The following CLIC5 variants were observed in gnomAD, a reference collection of about 807,000 sequenced individuals.
CLIC5 encodes the protein CLIC family member 5, also known as chloride intracellular channel protein 5.
Under a neutral mutation model 24.7 loss-of-function variants are expected in CLIC5, and 20 were observed. The observed-to-expected ratio is 0.81, with a 90% CI of 0.57 to 1.18. The LOEUF (loss-of-function observed/expected upper bound fraction) is 1.18. CLIC5 is among the 50% of genes most tolerant of loss of function. The pLI, the probability that CLIC5 is intolerant of heterozygous loss-of-function variation, is 0.00. For missense variants in CLIC5, 341 were observed against 326.1 expected (o/e 1.05, Z -0.35); for synonymous variants, 159 against 135.6 (o/e 1.17, Z -1.20).
chr6:46,082,965 A>G (rs1392501593), upstream of CLIC5, among the ~76,000 whole-genome samples: 2 of 152,238 alleles, frequency 1.3e-5, no homozygotes, highest in African/African-American at 4.8e-5. Flanking sequence ...AGTACCTAGA[A>G]CAGTGTCTGG....
chr6:46,086,258 G>T, the CLIC5 span, among the ~76,000 whole-genome samples: 2 of 152,222 alleles, frequency 1.3e-5, no homozygotes, highest in African/African-American at 2.4e-5. Context: ...CCAGTGTCCT[G>T]TGCCCACTGT....
At chr6:46,031,981 A>C (rs1388594971) in intron 1 of CLIC5, among the ~76,000 whole-genome samples, 2 of 151,462 alleles carry the variant, frequency 1.3e-5, no homozygotes, top group East Asian at 1.9e-4. Flanking sequence ...ATATGTGTAC[A>C]TATATATTTC....
intron 1 of CLIC5, among the ~76,000 whole-genome samples, chr6:45,977,585 G>T (rs970079306): frequency 1.3e-5 from 2 of 152,004 alleles, no homozygotes; most frequent in Admixed American, 6.6e-5. Flanking sequence ...GCCTCTCAGG[G>T]ACCCTTTCTT....
intron 1 of CLIC5, among the ~76,000 whole-genome samples, chr6:46,079,294 C>T (rs1043603322): frequency 3.3e-4 from 51 of 152,270 alleles, no homozygotes; most frequent in African/African-American, 1.1e-3. Flanking sequence ...AAATCTGTGA[C>T]CTTAGAAGCA....
chr6:45,998,092 G>A (rs954233368), intron 1 of CLIC5, among the ~76,000 whole-genome samples: 1 of 152,186 alleles, frequency 6.6e-6, no homozygotes, highest in Non-Finnish European at 1.5e-5. Flanking sequence ...CCTTGGGAGC[G>A]GTTGTCTGGG....
chr6:45,995,195 C>A (rs758078365), intron 1 of CLIC5, among the ~76,000 whole-genome samples: 2 of 152,160 alleles, frequency 1.3e-5, no homozygotes, highest in Non-Finnish European at 2.9e-5. Flanking sequence ...GCCACTTAAC[C>A]ATTAGTGCCT....
chr6:46,099,410 A>G, the CLIC5 span, among the ~76,000 whole-genome samples: 6 of 152,232 alleles, frequency 3.9e-5, no homozygotes, highest in Non-Finnish European at 5.9e-5. Context: ...ATTTTTGTCT[A>G]TTATTACTAT....
intron 1 of CLIC5, among the ~76,000 whole-genome samples, chr6:46,032,777 C>T (rs933881458): frequency 1.3e-5 from 2 of 152,112 alleles, no homozygotes; most frequent in African/African-American, 4.8e-5. Context: ...GTGAGCTACT[C>T]GGGCTGGTCA....
At chr6:45,980,496 A>G (rs919793076) in intron 1 of CLIC5, among the ~76,000 whole-genome samples, 3 of 152,138 alleles carry the variant, frequency 2.0e-5, no homozygotes, top group African/African-American at 7.2e-5. Context: ...GATCATTTAT[A>G]TACCAAACCT....
the CLIC5 span, among the ~76,000 whole-genome samples, chr6:46,124,611 A>G: frequency 6.6e-6 from 1 of 152,250 alleles, no homozygotes; most frequent in South Asian, 2.1e-4. Flanking sequence ...CTGCACAGCA[A>G]AAGAAACTAC....
chr6:46,078,297 T>C (rs1049278687), intron 1 of CLIC5, among the ~76,000 whole-genome samples: 3 of 152,050 alleles, frequency 2.0e-5, no homozygotes, highest in Non-Finnish European at 4.4e-5. Context: ...GAGGTGAAAG[T>C]TGCAGTGAGC....
chr6:46,018,231 TTTG>T (rs1767077003), upstream of CLIC5, among the ~76,000 whole-genome samples: 1 of 152,220 alleles, frequency 6.6e-6, no homozygotes, highest in Admixed American at 6.5e-5. Flanking sequence ...GTTTTGGTTT[TTTG>T]TTTTTTGTTT....
upstream of CLIC5, among the ~76,000 whole-genome samples, chr6:46,018,362 C>T (rs559426540): frequency 5.6e-4 from 85 of 152,264 alleles, 1 homozygote; most frequent in South Asian, 0.017. Context: ...TTCATTTTAT[C>T]TTCTCCAAAT....
chr6:45,924,220 T>G (rs1287943271), intron 4 of CLIC5, among the ~76,000 whole-genome samples: 3 of 152,210 alleles, frequency 2.0e-5, no homozygotes, highest in Non-Finnish European at 1.5e-5. Context: ...ACAGGGATAT[T>G]CAGCTGTTCC....
the CLIC5 span, chr6:46,129,523 T>C: frequency 6.6e-6 from 1 of 152,234 alleles, no homozygotes; most frequent in Non-Finnish European, 1.5e-5. Flanking sequence ...CCGGTAAAGG[T>C]GCTCGCTTAT....
At chr6:45,974,493 G>GTATATATATA (rs1294058722) in intron 1 of CLIC5, among the ~76,000 whole-genome samples, 5 of 85,420 alleles carry the variant, frequency 5.9e-5, no homozygotes, top group African/African-American at 2.2e-4. Flanking sequence ...CTGTGTGTGT[G>GTATATATATA]TGTGTATATA....
chr6:45,913,833 C>T lies in CLIC5; in HGVS notation c.588+395G>A, dbSNP rs1762909731. 3 of 1,230,584 alleles carry T rather than the reference C, an allele frequency of 2.4e-6. No homozygotes were observed. In the East Asian group the frequency reaches 9.5e-5, roughly 39 times the overall value. The allele number at this position is 1,230,584 out of a possible 1,614,324, so 76.2% of individuals were successfully genotyped here. On this transcript the variant is annotated intron_variant, in intron 5 of 5. Coordinates refer to ENST00000339561, the MANE Select transcript of CLIC5 (RefSeq NM_016929.5). Reference sequence around the variant, plus strand: ...TGGGTCTGTGCACAAAGAAAAAATGCATATGAGGGCACATTTAATAGAGCT... The same window carrying T: ...TGGGTCTGTGCACAAAGAAAAAATGTATATGAGGGCACATTTAATAGAGCT...
chr6:46,075,975 C>A (rs1562039411), intron 1 of CLIC5, among the ~76,000 whole-genome samples: 2 of 152,196 alleles, frequency 1.3e-5, no homozygotes, highest in Non-Finnish European at 2.9e-5. Flanking sequence ...CCCAATGCTC[C>A]ACTGCTGTCA....
chr6:45,901,767 CT>C lies in CLIC5; in HGVS notation c.*1320del, dbSNP rs201705755. 335 of 149,046 alleles carry C rather than the reference CT, an allele frequency of 2.2e-3. 1 individual carries two copies. The highest frequency in any genetic ancestry group is 3.9e-3 in the Non-Finnish European group (263 of 66,732). 9.2% of individuals were successfully genotyped at this position (149,046 alleles called of 1,614,324 possible). ...TGAAATATTAGCTTAAAAATTTTTC[CT>C]TTTTTTTTTCACCTGGCAGTTGAGT... On this transcript the variant is annotated 3_prime_UTR_variant, in exon 6 of 6. Coordinates refer to ENST00000339561, the MANE Select transcript of CLIC5 (RefSeq NM_016929.5).
Sources: gnomAD v4.1 joint callset for allele counts (sites outside exome capture counted in the v4.1 genomes callset) on GRCh38, gnomAD v4.1.1 for gene constraint, MANE v1.5 for transcripts, NCBI Gene and HGNC (gene_info 2026-07-23, HGNC 2026-07-21) for gene names.